Variants in IGSF5 observed in about 807,000 individuals in gnomAD.
The protein encoded by IGSF5 is immunoglobulin superfamily member 5.
Under a neutral mutation model 39.4 loss-of-function variants are expected in IGSF5, and 41 were observed. The observed-to-expected ratio is 1.04, with a 90% CI of 0.81 to 1.35. The LOEUF is 1.35. Among genes scored for constraint, IGSF5 ranks in the 40% most tolerant of loss-of-function variants. The probability of loss-of-function intolerance (pLI) is 0.00; values close to 1 mark genes in which losing one functional copy is unlikely to be tolerated. For missense variants in IGSF5, 487 were observed against 494.6 expected (o/e 0.98, Z 0.15); for synonymous variants, 183 against 175.3 (o/e 1.04, Z -0.34).
chr21:39,719,074 T>G, the IGSF5 span, among the ~76,000 whole-genome samples: 1 of 152,220 alleles, frequency 6.6e-6, no homozygotes, highest in Non-Finnish European at 1.5e-5. Context: ...GGCCCAATCT[T>G]GGGAGGGTGT....
intron 1 of IGSF5, 61 bp from the exon 2 acceptor site, chr21:39,746,155 C>T (rs371779185): frequency 5.0e-5 from 35 of 700,364 alleles, no homozygotes; most frequent in South Asian, 1.9e-4. Flanking sequence ...CTTAGCCATG[C>T]AGGAACAATG....
intron 5 of IGSF5, among the ~76,000 whole-genome samples, 161 bp downstream of exon 5, chr21:39,779,466 T>C (rs1224629267): frequency 6.6e-6 from 1 of 152,220 alleles, no homozygotes; most frequent in Non-Finnish European, 1.5e-5. Flanking sequence ...GGATGTAAAT[T>C]GTTACAGCCT....
chr21:39,736,960 A>T, the IGSF5 span, among the ~76,000 whole-genome samples: 1 of 152,104 alleles, frequency 6.6e-6, no homozygotes, highest in Non-Finnish European at 1.5e-5. Context: ...CACTACCCTG[A>T]CCTCAGATTT....
intron 8 of IGSF5, among the ~76,000 whole-genome samples, chr21:39,799,305 C>A (rs752048418): frequency 1.3e-5 from 2 of 152,160 alleles, no homozygotes; most frequent in African/African-American, 4.8e-5. Context: ...GTGCACCCAG[C>A]GCCTATAAAT....
At chr21:39,739,632 G>T in the IGSF5 span, among the ~76,000 whole-genome samples, 1 of 152,232 alleles carries the variant, frequency 6.6e-6, no homozygotes, top group Admixed American at 6.5e-5. Context: ...GTGCTGTTGG[G>T]GAGGTTGGCG....
chr21:39,733,758 G>A, the IGSF5 span, among the ~76,000 whole-genome samples: 4 of 152,294 alleles, frequency 2.6e-5, no homozygotes, highest in South Asian at 8.3e-4. Flanking sequence ...AATCTTCCTT[G>A]CCTCTTCCTG....
At chr21:39,748,699 G>A (rs1470611301) in intron 2 of IGSF5, among the ~76,000 whole-genome samples, 3 of 152,108 alleles carry the variant, frequency 2.0e-5, no homozygotes, top group Non-Finnish European at 2.9e-5. Context: ...TAGCAATTTC[G>A]GGGGAACACA....
intron 2 of IGSF5, among the ~76,000 whole-genome samples, chr21:39,759,918 G>A (rs1454160294): frequency 6.6e-6 from 1 of 151,664 alleles, no homozygotes; most frequent in East Asian, 1.9e-4. Context: ...AGGGTATGGA[G>A]GATCTGGGTT....
intron 3 of IGSF5, 48 bp from the exon 4 acceptor site, chr21:39,770,868 G>T (rs771480413): frequency 2.4e-6 from 3 of 1,227,984 alleles, no homozygotes; most frequent in East Asian, 5.6e-5. Flanking sequence ...ACTTAGAAGC[G>T]AGAGGCATGG....
chr21:39,777,918 G>C (rs1018352), intron 4 of IGSF5, among the ~76,000 whole-genome samples: 96,649 of 152,014 alleles, frequency 0.64, 31,822 homozygotes, highest in Non-Finnish European at 0.73. Context: ...GTGGTGGATG[G>C]CCATTGATTT....
At chr21:39,725,114 G>T in the IGSF5 span, among the ~76,000 whole-genome samples, 1 of 152,338 alleles carries the variant, frequency 6.6e-6, no homozygotes, top group East Asian at 1.9e-4. Flanking sequence ...TTTATCCATT[G>T]TGATGTCCTG....
At chr21:39,733,099 T>C in the IGSF5 span, among the ~76,000 whole-genome samples, 1 of 151,972 alleles carries the variant, frequency 6.6e-6, no homozygotes, top group African/African-American at 2.4e-5. Context: ...AAAGATATAG[T>C]ACCAAAGACA....
At chr21:39,722,612 C>A in the IGSF5 span, 1 of 152,176 alleles carries the variant, frequency 6.6e-6, no homozygotes, top group Non-Finnish European at 1.5e-5. Context: ...TGTTACCAAA[C>A]AGAAGCTGGC....
chr21:39,778,289 T>C (rs2080151026), intron 4 of IGSF5, among the ~76,000 whole-genome samples: 2 of 152,220 alleles, frequency 1.3e-5, no homozygotes, highest in African/African-American at 4.8e-5. Flanking sequence ...TGACTCATAC[T>C]TTTAATTAAC....
chr21:39,750,783 C>T (rs1175757849), intron 2 of IGSF5, among the ~76,000 whole-genome samples: 4 of 152,242 alleles, frequency 2.6e-5, no homozygotes, highest in African/African-American at 4.8e-5. Flanking sequence ...TGTCAAGGTG[C>T]CTGGCTGGGA....
chr21:39,794,896 T>C (rs1053735597), intron 8 of IGSF5, among the ~76,000 whole-genome samples: 2 of 152,116 alleles, frequency 1.3e-5, no homozygotes, highest in African/African-American at 2.4e-5. Flanking sequence ...CTCCCTGCAA[T>C]TGGGATTCAG....
intron 2 of IGSF5, among the ~76,000 whole-genome samples, chr21:39,758,158 C>T (rs899128478): frequency 2.0e-5 from 3 of 152,148 alleles, no homozygotes; most frequent in Non-Finnish European, 4.4e-5. Context: ...GGGCTGTTCA[C>T]CAACGTCCAC....
At chr21:39,739,729 C>T in the IGSF5 span, among the ~76,000 whole-genome samples, 5 of 152,178 alleles carry the variant, frequency 3.3e-5, no homozygotes, top group Admixed American at 2.6e-4. Context: ...CCTTCGATGT[C>T]GTTAACATTG....
At chr21:39,744,321 C>CA (rs532979120), upstream of IGSF5, among the ~76,000 whole-genome samples, 24 of 152,334 alleles carry the variant, frequency 1.6e-4, no homozygotes, top group Admixed American at 3.3e-4. Flanking sequence ...TTCCCATAAA[C>CA]AACAGTTTTT....
Sources: gnomAD v4.1 joint callset for allele counts (sites outside exome capture counted in the v4.1 genomes callset) on GRCh38, gnomAD v4.1.1 for gene constraint, MANE v1.5 for transcripts, NCBI Gene and HGNC (gene_info 2026-07-23, HGNC 2026-07-21) for gene names.